Variants in SKAP1 observed in about 807,000 individuals in gnomAD.
The protein encoded by SKAP1 is src kinase associated phosphoprotein 1.
Under a neutral mutation model 58.5 loss-of-function variants are expected in SKAP1, and 44 were observed. The observed-to-expected ratio is 0.75, with a 90% CI of 0.59 to 0.97. The LOEUF is 0.97. Among genes scored for constraint, SKAP1 ranks in the 50% least tolerant of loss-of-function variants. The pLI is 0.00. For missense variants in SKAP1, 390 were observed against 435.2 expected (o/e 0.90, Z 0.92); for synonymous variants, 127 against 149.7 (o/e 0.85, Z 1.11).
At chr17:48,377,376 C>T (rs893041880) in intron 2 of SKAP1, 2 of 151,510 alleles carry the variant, frequency 1.3e-5, no homozygotes, top group Admixed American at 1.3e-4. Flanking sequence ...GAATTTCAGA[C>T]CAGTCTGGGC....
At chr17:48,141,711 T>G (rs2063769524) in intron 11 of SKAP1, among the ~76,000 whole-genome samples, 1 of 152,128 alleles carries the variant, frequency 6.6e-6, no homozygotes, top group African/African-American at 2.4e-5. Flanking sequence ...GACAAGGCCC[T>G]GCATGACCCA....
intron 4 of SKAP1, among the ~76,000 whole-genome samples, chr17:48,189,935 C>T (rs2143528148): frequency 6.6e-6 from 1 of 152,130 alleles, no homozygotes; most frequent in East Asian, 1.9e-4. Flanking sequence ...GCCTCGGCCT[C>T]CCAAAATGCT....
chr17:48,336,424 A>T (rs1396590745), intron 4 of SKAP1, among the ~76,000 whole-genome samples: 1 of 152,180 alleles, frequency 6.6e-6, no homozygotes, highest in Non-Finnish European at 1.5e-5. Flanking sequence ...ACAGGGGCAG[A>T]GTGAGGTAAG....
At chr17:48,306,975 T>C (rs1377660119) in intron 4 of SKAP1, among the ~76,000 whole-genome samples, 3 of 152,208 alleles carry the variant, frequency 2.0e-5, no homozygotes, top group African/African-American at 7.2e-5. Flanking sequence ...CTTATGTAAG[T>C]ATTTTTTTAA....
At chr17:48,322,552 C>T (rs1341243549) in intron 4 of SKAP1, among the ~76,000 whole-genome samples, 1 of 152,190 alleles carries the variant, frequency 6.6e-6, no homozygotes, top group African/African-American at 2.4e-5. Flanking sequence ...GAGCAAGTGG[C>T]TGCTGTATCT....
chr17:48,269,105 G>T (rs1282206742), intron 4 of SKAP1, among the ~76,000 whole-genome samples: 1 of 151,892 alleles, frequency 6.6e-6, no homozygotes, highest in African/African-American at 2.4e-5. Flanking sequence ...ATTTTGAAGA[G>T]AATAGTAATT....
rs1555602827 is a variant in SKAP1 at position 48,204,973 on chromosome 17, T to TTTTC, written c.281-15477_281-15474dup. 9.9e-3 allele frequency among the ~76,000 whole-genome samples: 765 copies of TTTTC among 77,316 alleles called. 13 individuals are homozygous for TTTTC. Among genetic ancestry groups the TTTTC allele is most frequent in the Middle Eastern group, 0.025 (5 of 200 alleles). 50.7% of individuals were successfully genotyped at this position (77,316 alleles called of 152,430 possible). A position where few individuals can be genotyped will look rare whatever the true frequency, so the allele number is the denominator to read the frequency against. On this transcript the variant is annotated intron_variant, in intron 4 of 12. Coordinates refer to ENST00000336915, the MANE Select transcript of SKAP1 (RefSeq NM_003726.4). ...CCTCCTTCCTCTTTCTTTTCTTTTC[T>TTTTC]TTTCTTTCTTTCTTTCTTTCTTTCT...
chr17:48,290,393 C>A (rs1397000562), intron 4 of SKAP1, among the ~76,000 whole-genome samples: 2 of 152,088 alleles, frequency 1.3e-5, no homozygotes, highest in Admixed American at 1.3e-4. Context: ...ACTATTTAAC[C>A]CTGGCTGCTG....
chr17:48,213,074 G>C (rs2064893639), intron 4 of SKAP1, among the ~76,000 whole-genome samples: 1 of 152,184 alleles, frequency 6.6e-6, no homozygotes, highest in Non-Finnish European at 1.5e-5. Context: ...GGGCTCAGTG[G>C]CTCATGCCTG....
chr17:48,400,780 A>G lies in SKAP1; in HGVS notation c.47-3995T>C, dbSNP rs561511825. Reference sequence around the variant, plus strand: ...AAAATTAAAAAAAAAGAAAAGAAATAAAGCAGGTAAAAGAATTAAGAATTA... The same window carrying G: ...AAAATTAAAAAAAAAGAAAAGAAATGAAGCAGGTAAAAGAATTAAGAATTA... On this transcript the variant is annotated intron_variant, in intron 1 of 12. Coordinates refer to ENST00000336915, the MANE Select transcript of SKAP1 (RefSeq NM_003726.4). 1.4e-4 allele frequency among the ~76,000 whole-genome samples: 22 copies of G among 152,104 alleles called. 1 individual carries two copies. The highest frequency in any genetic ancestry group is 5.1e-4 in the African/African-American group (21 of 41,488).
intron 11 of SKAP1, among the ~76,000 whole-genome samples, chr17:48,142,842 G>C (rs2063784868): frequency 6.6e-6 from 1 of 152,074 alleles, no homozygotes; most frequent in Non-Finnish European, 1.5e-5. Flanking sequence ...GTTTCGCTCT[G>C]TTGCCCAGGA....
intron 4 of SKAP1, among the ~76,000 whole-genome samples, chr17:48,303,899 C>T (rs1315996144): frequency 1.3e-5 from 2 of 152,128 alleles, no homozygotes; most frequent in Non-Finnish European, 2.9e-5. Flanking sequence ...AGTGTGAATG[C>T]TAAGGTTATA....
intron 4 of SKAP1, among the ~76,000 whole-genome samples, chr17:48,251,967 A>G (rs1396245959): frequency 6.6e-6 from 1 of 152,242 alleles, no homozygotes. Flanking sequence ...CTAAACAAGA[A>G]TAGATAGTCT....
intron 11 of SKAP1, among the ~76,000 whole-genome samples, chr17:48,140,135 A>G (rs1404239974): frequency 6.6e-6 from 1 of 152,126 alleles, no homozygotes; most frequent in East Asian, 1.9e-4. Flanking sequence ...CTTCCTGTTC[A>G]CTGTTGAAGC....
chr17:48,405,091 A>T (rs1245819640), intron 1 of SKAP1, among the ~76,000 whole-genome samples: 1 of 151,942 alleles, frequency 6.6e-6, no homozygotes, highest in African/African-American at 2.4e-5. Context: ...AGAAATTACT[A>T]AAAAAAACAT....
At chr17:48,344,839 A>G (rs998308704) in intron 4 of SKAP1, among the ~76,000 whole-genome samples, 5 of 152,204 alleles carry the variant, frequency 3.3e-5, no homozygotes, top group African/African-American at 7.2e-5. Context: ...AATTGTCAAA[A>G]GGGCTAAATG....
intron 3 of SKAP1, among the ~76,000 whole-genome samples, chr17:48,356,367 GT>G (rs932289242): frequency 2.6e-5 from 4 of 152,072 alleles, no homozygotes; most frequent in Admixed American, 6.6e-5. Context: ...CTACCATGCT[GT>G]TTTTTTGTTT....
At position 48,239,850 on chromosome 17, in the gene SKAP1, C is replaced by CAGAGAGAGAGAG. The variant is rs71141976; in HGVS notation, c.281-50362_281-50351dup. 9.2e-5 allele frequency among the ~76,000 whole-genome samples: 12 copies of CAGAGAGAGAGAG among 129,846 alleles called. No individual in the cohort carries two copies. In the East Asian group the frequency reaches 1.6e-3, roughly 17 times the overall value. 85.2% of individuals were successfully genotyped at this position (129,846 alleles called of 152,430 possible). A position where few individuals can be genotyped will look rare whatever the true frequency, so the allele number is the denominator to read the frequency against. On this transcript the variant is annotated intron_variant, in intron 4 of 12. Transcript: ENST00000336915. ...AGAATGAGAGAGAGAGAGAGAGAGACAGAGAGAGAGAGAGAGAGAGAGAGA... is the reference window on the plus strand; with the variant it reads ...AGAATGAGAGAGAGAGAGAGAGAGACAGAGAGAGAGAGAGAGAGAGAGAGAGAGAGAGAGAGA...
chr17:48,432,510 C>T (rs1444753658), upstream of SKAP1, among the ~76,000 whole-genome samples: 3 of 152,040 alleles, frequency 2.0e-5, no homozygotes, highest in South Asian at 2.1e-4. Flanking sequence ...TACCAGGTAC[C>T]CCCATGGCAT....
Sources: allele counts gnomAD v4.1 joint callset (sites outside exome capture counted in the v4.1 genomes callset), GRCh38; gene constraint gnomAD v4.1.1; transcripts MANE v1.5; gene names NCBI Gene and HGNC (gene_info 2026-07-23, HGNC 2026-07-21).